SATL1: variants seen among roughly 807,000 people sequenced by gnomAD.
SATL1 encodes the protein spermidine/spermine N(1)-acetyltransferase-like protein 1.
A neutral mutation model predicts 51.8 loss-of-function variants in SATL1; 47 were observed. That is an observed-to-expected ratio of 0.91 (90% CI 0.72 to 1.16). The LOEUF is 1.16. Among genes scored for constraint, SATL1 ranks in the 50% most tolerant of loss-of-function variants. The pLI, the probability that SATL1 is intolerant of heterozygous loss-of-function variation, is 0.00. For missense variants in SATL1, 520 were observed against 526.4 expected (o/e 0.99, Z 0.12); for synonymous variants, 176 against 182.4 (o/e 0.97, Z 0.28).
chrX:85,198,998 C>A (rs1247347469), intron 2 of SATL1, among the ~76,000 whole-genome samples: 1 of 109,850 alleles, frequency 9.1e-6, no homozygotes, highest in Non-Finnish European at 1.9e-5. Context: ...CCACCATGCC[C>A]AGCTAATTTT....
chrX:85,168,840 G>T (rs1926905975), intron 2 of SATL1, among the ~76,000 whole-genome samples: 1 of 111,603 alleles, frequency 9.0e-6, no homozygotes, highest in East Asian at 2.8e-4. Context: ...AAAGAACAAA[G>T]CTGGAGCTAT....
At chrX:85,143,591 T>C (rs1427084658) in intron 2 of SATL1, 1 of 111,868 alleles carries the variant, frequency 8.9e-6, no homozygotes, top group Non-Finnish European at 1.9e-5. Flanking sequence ...CAATGCTTTG[T>C]AGTATCTAAG....
In SATL1 at chrX:85,108,215, T is replaced by G; in HGVS notation, c.754A>C (p.Ser252Arg). The G allele has an allele frequency of 8.3e-7, 1 of 1,211,658 alleles. No individual in the cohort carries two copies. The highest frequency in any genetic ancestry group is 1.1e-6 in the Non-Finnish European group (1 of 895,501). The change falls in exon 3 of 8, where the codon AGT (serine) becomes CGT (arginine). Residue 252 changes from serine to arginine, a missense_variant. Physicochemically the swap from Ser to Arg is moderately radical, Grantham distance 110. Transcript: ENST00000644105. ...CCTGTTTGGTTGGAATCTGATAAAC[T>G]TGATTGGTTTGCGTCTGGTTGGCTC... ...DMSQPDANQS[S>R]LSDSNQTGII...
chrX:85,148,912 G>A (rs1316884837), intron 2 of SATL1, among the ~76,000 whole-genome samples: 6 of 110,561 alleles, frequency 5.4e-5, no homozygotes, highest in Admixed American at 9.6e-5. Context: ...ATCAACTAAC[G>A]AGCAAAATAA....
At position 85,206,497 on chromosome X, in the gene SATL1, C is replaced by G. The variant is rs1256688224; in HGVS notation, c.-313+17708G>C. ...GTATTAAGAAGTGCTACTGAGGGAT[C>G]AAATCAGAGGAGGACAGAGCAATTA... is the stretch of plus-strand genomic sequence containing the variant. On this transcript the variant is annotated intron_variant, in intron 2 of 7. Transcript: ENST00000644105. 2.7e-5 allele frequency among the ~76,000 whole-genome samples: 3 copies of G among 111,495 alleles called. No homozygotes were observed. In the East Asian group the frequency reaches 8.5e-4, roughly 32 times the overall value.
At chrX:85,232,908 C>T (rs953050374) in intron 1 of SATL1, among the ~76,000 whole-genome samples, 8 of 111,325 alleles carry the variant, frequency 7.2e-5, no homozygotes, top group Admixed American at 6.6e-4. Flanking sequence ...GCTGGCTTCA[C>T]AACATCCAGA....
chrX:85,239,941 C>T (rs1928553533), intron 1 of SATL1, among the ~76,000 whole-genome samples: 2 of 102,317 alleles, frequency 2.0e-5, no homozygotes, highest in East Asian at 6.2e-4. Context: ...ACAACACATG[C>T]AAGAAAAAAA....
At chrX:85,167,386 C>A (rs960647583) in intron 2 of SATL1, among the ~76,000 whole-genome samples, 3 of 108,415 alleles carry the variant, frequency 2.8e-5, no homozygotes, top group Non-Finnish European at 5.7e-5. Flanking sequence ...CTTGTTCCCC[C>A]AAAACTATTG....
intron 2 of SATL1, among the ~76,000 whole-genome samples, chrX:85,174,109 T>A (rs1927037472): frequency 9.1e-6 from 1 of 110,178 alleles, no homozygotes; most frequent in Non-Finnish European, 1.9e-5. Context: ...GAACTCATCC[T>A]TTTTTATGGC....
intron 2 of SATL1, among the ~76,000 whole-genome samples, chrX:85,218,689 T>C (rs925980102): frequency 4.5e-5 from 5 of 111,908 alleles, no homozygotes; most frequent in Non-Finnish European, 7.5e-5. Flanking sequence ...ACATTCACAA[T>C]TGTGCAATAC....
chrX:85,128,499 A>AT (rs1309381995), intron 2 of SATL1, among the ~76,000 whole-genome samples: 2 of 111,011 alleles, frequency 1.8e-5, no homozygotes, highest in African/African-American at 6.6e-5. Context: ...TGGTTGTTTG[A>AT]TTTTTTCTTG....
chrX:85,163,887 G>T (rs1013443819), intron 2 of SATL1, among the ~76,000 whole-genome samples: 1 of 111,871 alleles, frequency 8.9e-6, no homozygotes, highest in Non-Finnish European at 1.9e-5. Flanking sequence ...TTGTCTTGCG[G>T]TCTGTCGCAT....
At chrX:85,241,000 G>GT (rs199815149) in intron 1 of SATL1, among the ~76,000 whole-genome samples, 5,259 of 107,916 alleles carry the variant, frequency 0.049, 363 homozygotes, top group African/African-American at 0.17. Flanking sequence ...CATCTTATTT[G>GT]TTTTTTTTTA....
chrX:85,161,721 G>T (rs1476405454), intron 2 of SATL1, among the ~76,000 whole-genome samples: 1 of 111,273 alleles, frequency 9.0e-6, no homozygotes, highest in Non-Finnish European at 1.9e-5. Context: ...ATAATAATGG[G>T]AGACTACAAT....
chrX:85,133,634 C>T (rs1053607498), intron 2 of SATL1, among the ~76,000 whole-genome samples: 1 of 111,852 alleles, frequency 8.9e-6, no homozygotes, highest in Admixed American at 9.4e-5. Context: ...CACCCTGCTT[C>T]ATCTTGCCTT....
intron 7 of SATL1, 54 bp from the exon 8 acceptor site, chrX:85,092,615 T>A: frequency 9.4e-7 from 1 of 1,059,126 alleles, no homozygotes. Context: ...ATAATCTTCG[T>A]TAACACATAT....
At chrX:85,176,264 A>G (rs2047968786) in intron 2 of SATL1, among the ~76,000 whole-genome samples, 1 of 111,888 alleles carries the variant, frequency 8.9e-6, no homozygotes. Context: ...AATATATTCT[A>G]TTGGCAAGAC....
rs374471642 is a variant in SATL1, at chrX:85,141,770, G to T, written c.-312-32490C>A. On this transcript the variant is annotated intron_variant, in intron 2 of 7. Coordinates refer to ENST00000644105, the MANE Select transcript of SATL1 (RefSeq NM_001367857.2). ...ACTCAGCCTCCTGTCAAAAACCAAT[G>T]GATTTTTGTAGAGGGAATTCATGTG... Among the ~76,000 whole-genome samples, 20 of 109,197 alleles carry T rather than the reference G, an allele frequency of 1.8e-4. No homozygotes were observed. In the East Asian group the frequency reaches 3.8e-3, roughly 21 times the overall value. 94.8% of individuals were successfully genotyped at this position (109,197 alleles called of 115,157 possible). A position where few individuals can be genotyped will look rare whatever the true frequency, so the allele number is the denominator to read the frequency against.
At chrX:85,191,738 A>G (rs1429296301) in intron 2 of SATL1, among the ~76,000 whole-genome samples, 2 of 111,925 alleles carry the variant, frequency 1.8e-5, no homozygotes, top group African/African-American at 3.2e-5. Context: ...GAAATGGATC[A>G]TCATAAAGGT....
Sources: gnomAD v4.1 joint callset for allele counts (sites outside exome capture counted in the v4.1 genomes callset) on GRCh38, gnomAD v4.1.1 for gene constraint, MANE v1.5 for transcripts, NCBI Gene and HGNC (gene_info 2026-07-23, HGNC 2026-07-21) for gene names.